Variants in GAB1 observed in about 807,000 individuals in gnomAD.
The protein encoded by GAB1 is GRB2-associated-binding protein 1.
Under a neutral mutation model 66.5 loss-of-function variants are expected in GAB1, and 19 were observed. The observed-to-expected ratio is 0.29, with a 90% CI of 0.20 to 0.42. GAB1 has a LOEUF of 0.42. Among genes scored for constraint, GAB1 ranks in the 10% least tolerant of loss-of-function variants. The pLI is 1.00. For missense variants in GAB1, 732 were observed against 858.5 expected (o/e 0.85, Z 1.84); for synonymous variants, 294 against 301.4 (o/e 0.98, Z 0.25).
chr4:143,447,389 A>G (rs1734619005), intron 6 of GAB1, among the ~76,000 whole-genome samples: 1 of 152,156 alleles, frequency 6.6e-6, no homozygotes, highest in South Asian at 2.1e-4. Context: ...CTTGGGCAGT[A>G]TGGCTGTTTT....
intron 1 of GAB1, among the ~76,000 whole-genome samples, chr4:143,351,848 C>T (rs1306864868): frequency 1.3e-5 from 2 of 152,188 alleles, no homozygotes; most frequent in African/African-American, 4.8e-5. Flanking sequence ...TATCAGTGTG[C>T]TGAAGTTGAG....
intron 1 of GAB1, among the ~76,000 whole-genome samples, chr4:143,378,335 A>T (rs1730501934): frequency 6.6e-6 from 1 of 152,192 alleles, no homozygotes; most frequent in Non-Finnish European, 1.5e-5. Flanking sequence ...GTTTCTTTTA[A>T]TGTCATGGGG....
chr4:143,408,352 A>G (rs1360552002), intron 1 of GAB1, among the ~76,000 whole-genome samples: 1 of 152,218 alleles, frequency 6.6e-6, no homozygotes, highest in Non-Finnish European at 1.5e-5. Context: ...TATGAGACTC[A>G]TCTGGCCCTT....
At chr4:143,413,554 C>A (rs1376115604) in intron 1 of GAB1, among the ~76,000 whole-genome samples, 6 of 152,078 alleles carry the variant, frequency 3.9e-5, no homozygotes, top group African/African-American at 1.4e-4. Flanking sequence ...CTCTGGTCAT[C>A]CTCTTGTTAA....
intron 1 of GAB1, among the ~76,000 whole-genome samples, chr4:143,399,956 T>TTC (rs397880150): frequency 2.6e-5 from 4 of 151,212 alleles, no homozygotes; most frequent in East Asian, 3.9e-4. Flanking sequence ...TTTTTTTTTT[T>TTC]CGAGATAGGG....
intron 8 of GAB1, among the ~76,000 whole-genome samples, chr4:143,464,604 G>T (rs1735682902): frequency 6.6e-6 from 1 of 152,126 alleles, no homozygotes; most frequent in Non-Finnish European, 1.5e-5. Context: ...TCTTCAAGTA[G>T]GAATATTACA....
Position 143,375,706 on chromosome 4 carries a change from A to T in GAB1, c.72+38446A>T, listed in dbSNP as rs28989220. Among the ~76,000 whole-genome samples the T allele has an allele frequency of 7.1e-3, 1,081 of 152,354 alleles. 15 individuals are homozygous for T. The highest frequency in any genetic ancestry group is 0.024 in the African/African-American group (1,013 of 41,576). On this transcript the variant is annotated intron_variant, in intron 1 of 9. Coordinates refer to ENST00000262994, the MANE Select transcript of GAB1 (RefSeq NM_002039.4). ...GTTTTCCGAATATGACAAATCATTT[A>T]GTTTCCTAAGCTTGTTACTCTACAG...
chr4:143,460,510 C>T (rs367772397), intron 8 of GAB1, 23 bp downstream of exon 8: 35 of 1,610,450 alleles, frequency 2.2e-5, no homozygotes, highest in Non-Finnish European at 2.8e-5. Flanking sequence ...TTAACTTTTC[C>T]CTTTCTGAGC....
intron 1 of GAB1, among the ~76,000 whole-genome samples, chr4:143,407,243 C>T (rs953061992): frequency 6.6e-6 from 1 of 150,650 alleles, no homozygotes; most frequent in Non-Finnish European, 1.5e-5. Context: ...ATATTAAATA[C>T]TAAGGGGTTT....
intron 1 of GAB1, among the ~76,000 whole-genome samples, chr4:143,373,867 A>AT (rs1491190505): frequency 0.16 from 17,609 of 113,540 alleles, 2,871 homozygotes; most frequent in South Asian, 0.22. Flanking sequence ...GTAAATAAAT[A>AT]AATATATATA....
In GAB1 at chr4:143,397,426, A is replaced by T. The variant is rs569511577; in HGVS notation, c.73-18051A>T. Among the ~76,000 whole-genome samples the T allele has an allele frequency of 1.7e-3, 256 of 152,302 alleles. 2 individuals carry two copies. The highest frequency in any genetic ancestry group is 6.0e-3 in the African/African-American group (248 of 41,556). ...GCCCATTTTGCTCTATTTAACTATA[A>T]ATACACTACATGCTACAAATCAGAT... On this transcript the variant is annotated intron_variant, in intron 1 of 9. Transcript: ENST00000262994.
In GAB1 at chr4:143,469,269, C is replaced by G. The variant is rs868720828; in HGVS notation, c.*80C>G. 2 of 1,408,736 alleles carry G rather than the reference C, an allele frequency of 1.4e-6. No homozygotes were observed. Among genetic ancestry groups the G allele is most frequent in the African/African-American group, 2.9e-5 (2 of 70,172 alleles). The allele number at this position is 1,408,736 out of a possible 1,614,324, so 87.3% of individuals were successfully genotyped here. Reference sequence around the variant, plus strand: ...CCTTTTGAAGAATGACTTGACACTTCCACTCTAGGTAGATCCTCAAATGAG... The same window carrying G: ...CCTTTTGAAGAATGACTTGACACTTGCACTCTAGGTAGATCCTCAAATGAG... On this transcript the variant is annotated 3_prime_UTR_variant, in exon 10 of 10. Coordinates refer to ENST00000262994, the MANE Select transcript of GAB1 (RefSeq NM_002039.4).
Position 143,359,686 on chromosome 4 carries a change from C to G in GAB1, c.72+22426C>G, listed in dbSNP as rs1397505056. Among the ~76,000 whole-genome samples the G allele has an allele frequency of 3.9e-5, 6 of 152,286 alleles. 1 individual carries two copies. Among genetic ancestry groups the G allele is most frequent in the Admixed American group, 3.9e-4 (6 of 15,298 alleles). On this transcript the variant is annotated intron_variant, in intron 1 of 9. Transcript: ENST00000262994. ...CTTTTCATATTCATTTATAATCAGG[C>G]CAGCCAAAGATTGGAATCTAATGGT...
chr4:143,443,730 G>C (rs967844822), intron 6 of GAB1, among the ~76,000 whole-genome samples: 18 of 151,976 alleles, frequency 1.2e-4, no homozygotes, highest in African/African-American at 4.1e-4. Flanking sequence ...TGCCCTATAT[G>C]TCTGGTTTTT....
intron 1 of GAB1, among the ~76,000 whole-genome samples, 172 bp from the exon 2 acceptor site, chr4:143,415,305 C>T (rs1034203706): frequency 1.3e-5 from 2 of 152,036 alleles, no homozygotes; most frequent in African/African-American, 4.8e-5. Flanking sequence ...TATGAGTAAA[C>T]GTTGCTTTTC....
At chr4:143,369,155 G>A (rs1730010387) in intron 1 of GAB1, among the ~76,000 whole-genome samples, 1 of 152,030 alleles carries the variant, frequency 6.6e-6, no homozygotes, top group Non-Finnish European at 1.5e-5. Context: ...TGGCCAGGCT[G>A]GTCTCAAACT....
At chr4:143,393,701 A>C (rs1731298562) in intron 1 of GAB1, among the ~76,000 whole-genome samples, 2 of 152,182 alleles carry the variant, frequency 1.3e-5, no homozygotes, top group African/African-American at 4.8e-5. Flanking sequence ...TGATTTCTGC[A>C]TCAAGAGTGG....
At chr4:143,378,981 C>T (rs560893316) in intron 1 of GAB1, among the ~76,000 whole-genome samples, 3 of 152,154 alleles carry the variant, frequency 2.0e-5, no homozygotes, top group African/African-American at 4.8e-5. Context: ...CCTTAGGCCC[C>T]GAAGCCAGGA....
At chr4:143,407,083 AG>A (rs3840283) in intron 1 of GAB1, among the ~76,000 whole-genome samples, 1 of 152,176 alleles carries the variant, frequency 6.6e-6, no homozygotes, top group East Asian at 1.9e-4. Context: ...TCCTATTTTC[AG>A]GGTTCTTAAC....
Sources: gnomAD v4.1 joint callset for allele counts (sites outside exome capture counted in the v4.1 genomes callset) on GRCh38, gnomAD v4.1.1 for gene constraint, MANE v1.5 for transcripts, NCBI Gene and HGNC (gene_info 2026-07-23, HGNC 2026-07-21) for gene names.